Variants in TMEM132D observed in about 807,000 individuals in gnomAD.
TMEM132D encodes mature OL transmembrane protein.
Under a neutral mutation model 62.3 loss-of-function variants are expected in TMEM132D, and 21 were observed. That is an observed-to-expected ratio of 0.34 (90% CI 0.24 to 0.49). TMEM132D has a LOEUF of 0.49. TMEM132D is among the 20% of genes least tolerant of loss of function. The pLI, the probability that TMEM132D is intolerant of heterozygous loss-of-function variation, is 0.99. For synonymous variants in TMEM132D, 621 were observed against 575.6 expected, an observed-to-expected ratio of 1.08 and a Z score of -1.13; for missense variants, 1,346 against 1,402.8, an observed-to-expected ratio of 0.96 and a Z score of 0.65.
chr12:129,555,481 T>C (rs1877028703), intron 2 of TMEM132D, among the ~76,000 whole-genome samples: 1 of 152,190 alleles, frequency 6.6e-6, no homozygotes. Flanking sequence ...TTAAAATAGC[T>C]AGGGAAGCAA....
chr12:129,785,877 G>A (rs1351117020), intron 1 of TMEM132D, among the ~76,000 whole-genome samples: 1 of 150,948 alleles, frequency 6.6e-6, no homozygotes, highest in Non-Finnish European at 1.5e-5. Context: ...TAAACCAAGT[G>A]CCACCATGAA....
chr12:129,327,665 G>A (rs1018783465), intron 4 of TMEM132D, among the ~76,000 whole-genome samples: 1 of 152,236 alleles, frequency 6.6e-6, no homozygotes, highest in South Asian at 2.1e-4. Flanking sequence ...AATACATCCT[G>A]ACACCTTCCA....
intron 2 of TMEM132D, among the ~76,000 whole-genome samples, chr12:129,616,698 C>T (rs1219391792): frequency 1.3e-5 from 2 of 152,164 alleles, no homozygotes; most frequent in African/African-American, 4.8e-5. Flanking sequence ...TGTCTGCTTC[C>T]CCTTCCATTA....
chr12:129,133,430 T>C (rs11060156), intron 5 of TMEM132D, among the ~76,000 whole-genome samples: 68,385 of 152,118 alleles, frequency 0.45, 15,872 homozygotes, highest in Non-Finnish European at 0.47. Context: ...GTAGGAACTA[T>C]TGGCATTTGC....
At chr12:129,207,303 G>A (rs987479253) in intron 5 of TMEM132D, among the ~76,000 whole-genome samples, 3 of 151,644 alleles carry the variant, frequency 2.0e-5, no homozygotes, top group Admixed American at 1.3e-4. Context: ...GTCAGACGAT[G>A]AATACAGCAC....
intron 5 of TMEM132D, among the ~76,000 whole-genome samples, chr12:129,184,356 G>C (rs1195006223): frequency 6.6e-6 from 1 of 152,236 alleles, no homozygotes; most frequent in Non-Finnish European, 1.5e-5. Context: ...TTTAAATAGA[G>C]GCTGGAGTTT....
intron 5 of TMEM132D, among the ~76,000 whole-genome samples, chr12:129,122,049 G>C (rs1252814114): frequency 6.6e-6 from 1 of 152,190 alleles, no homozygotes; most frequent in Non-Finnish European, 1.5e-5. Flanking sequence ...CTAGAATGCA[G>C]TCACTCATCT....
At chr12:129,606,600 C>G (rs1878631360) in intron 2 of TMEM132D, among the ~76,000 whole-genome samples, 1 of 152,138 alleles carries the variant, frequency 6.6e-6, no homozygotes, top group Non-Finnish European at 1.5e-5. Flanking sequence ...TCCTCCATCA[C>G]TCCAACCCCA....
intron 3 of TMEM132D, among the ~76,000 whole-genome samples, chr12:129,421,682 C>T (rs1872328442): frequency 6.6e-6 from 1 of 152,188 alleles, no homozygotes; most frequent in Non-Finnish European, 1.5e-5. Context: ...ATAAACTTTA[C>T]TTGGCTATAT....
intron 3 of TMEM132D, among the ~76,000 whole-genome samples, chr12:129,399,525 G>C (rs751481667): frequency 1.5e-5 from 2 of 136,026 alleles, no homozygotes; most frequent in African/African-American, 2.8e-5. Flanking sequence ...CCTCTCAAAG[G>C]TCCCACCTCT....
rs147546542 is a variant in TMEM132D at position 129,366,953 on chromosome 12, A to G, written c.1116-29136T>C. Among the ~76,000 whole-genome samples the G allele has an allele frequency of 8.3e-3, 1,266 of 152,310 alleles. 7 individuals carry two copies. The highest frequency in any genetic ancestry group is 0.013 in the Non-Finnish European group (875 of 68,024). On this transcript the variant is annotated intron_variant, in intron 3 of 8. Coordinates refer to ENST00000422113, the MANE Select transcript of TMEM132D (RefSeq NM_133448.3). ...CAGTGGGAACGCTTGCCTGCTCACA[A>G]AAGAGCTGCAGTCCCGGAGGAAGCA...
chr12:129,529,532 C>A (rs1876154819), intron 3 of TMEM132D, among the ~76,000 whole-genome samples: 1 of 152,206 alleles, frequency 6.6e-6, no homozygotes, highest in African/African-American at 2.4e-5. Context: ...TCTAATGGTT[C>A]AACTCCCTCA....
At chr12:129,823,092 G>C (rs575439176) in intron 1 of TMEM132D, among the ~76,000 whole-genome samples, 3 of 152,082 alleles carry the variant, frequency 2.0e-5, no homozygotes, top group Non-Finnish European at 4.4e-5. Context: ...GTGGCACCTC[G>C]CACATCTCTT....
chr12:129,557,802 A>G (rs533508808), intron 2 of TMEM132D, among the ~76,000 whole-genome samples: 3 of 152,312 alleles, frequency 2.0e-5, no homozygotes, highest in East Asian at 3.9e-4. Flanking sequence ...GATTGTGACA[A>G]TGATTATACA....
chr12:129,530,955 G>A (rs952819692), intron 3 of TMEM132D, 104 bp downstream of exon 3: 15 of 1,266,622 alleles, frequency 1.2e-5, no homozygotes, highest in African/African-American at 1.6e-5. Flanking sequence ...CACACCAAAT[G>A]CAAACCACAG....
At chr12:129,113,451 A>G (rs996697933) in intron 5 of TMEM132D, among the ~76,000 whole-genome samples, 1 of 152,208 alleles carries the variant, frequency 6.6e-6, no homozygotes, top group Non-Finnish European at 1.5e-5. Context: ...CCAGGATTAC[A>G]TCTGGGCTCT....
chr12:129,531,021 A>C, intron 3 of TMEM132D, 38 bp downstream of exon 3: 3 of 1,505,000 alleles, frequency 2.0e-6, no homozygotes, highest in Non-Finnish European at 2.7e-6. Context: ...CCACATTTGC[A>C]GCTGATCTGA....
intron 4 of TMEM132D, among the ~76,000 whole-genome samples, chr12:129,286,956 G>A (rs1014708130): frequency 2.0e-5 from 3 of 151,928 alleles, no homozygotes; most frequent in East Asian, 1.9e-4. Context: ...GCTGAGGCAC[G>A]AGCATCACTT....
intron 2 of TMEM132D, among the ~76,000 whole-genome samples, chr12:129,601,472 T>C (rs553660684): frequency 3.9e-5 from 6 of 152,214 alleles, no homozygotes; most frequent in African/African-American, 1.4e-4. Context: ...CATAACCATA[T>C]GATACAAAAG....
Sources: gnomAD v4.1 joint callset for allele counts (sites outside exome capture counted in the v4.1 genomes callset) on GRCh38, gnomAD v4.1.1 for gene constraint, MANE v1.5 for transcripts, NCBI Gene and HGNC (gene_info 2026-07-23, HGNC 2026-07-21) for gene names.